The following ANO10 variants were observed in gnomAD, a reference collection of about 807,000 sequenced individuals.
The protein encoded by ANO10 is anoctamin 10, also known as anoctamin-10.
A neutral mutation model predicts 74.7 loss-of-function variants in ANO10; 77 were observed. The ratio of observed to expected loss-of-function variants is 1.03; its 90% CI spans 0.86 to 1.25. The LOEUF (loss-of-function observed/expected upper bound fraction) is 1.25, where lower values mean the gene tolerates loss of function less well. Among genes scored for constraint, ANO10 ranks in the 50% most tolerant of loss-of-function variants. ANO10 has a pLI of 0.00. For missense variants in ANO10, 721 were observed against 778.1 expected (o/e 0.93, Z 0.87); for synonymous variants, 279 against 284.9 (o/e 0.98, Z 0.21).
intron 11 of ANO10, among the ~76,000 whole-genome samples, chr3:43,444,254 A>G (rs1157028554): frequency 6.6e-6 from 1 of 152,180 alleles, no homozygotes. Flanking sequence ...ACCAAAGAAC[A>G]CATCTTATAC....
At chr3:43,434,135 A>G (rs1345542260) in intron 11 of ANO10, among the ~76,000 whole-genome samples, 4 of 152,230 alleles carry the variant, frequency 2.6e-5, no homozygotes, top group Non-Finnish European at 5.9e-5. Flanking sequence ...CTTGAAAACC[A>G]GCAGAACCCC....
At chr3:43,520,601 A>T (rs551098649) in intron 11 of ANO10, among the ~76,000 whole-genome samples, 1 of 152,284 alleles carries the variant, frequency 6.6e-6, no homozygotes, top group South Asian at 2.1e-4. Context: ...TGGCCTCTCA[A>T]TTTGAGTACA....
chr3:43,600,205 CT>C (rs2082274966), intron 3 of ANO10, among the ~76,000 whole-genome samples, 178 bp downstream of exon 3: 1 of 152,176 alleles, frequency 6.6e-6, no homozygotes, highest in Admixed American at 6.5e-5. Context: ...TCTATGGCTG[CT>C]TTTTTGCTTC....
In ANO10 at chr3:43,615,629, T is replaced by C. The variant is rs529227208; in HGVS notation, c.-12+6280A>G. ...ACTTCAGTTAAAGCCAAATTTCATATATATATGTGTATATATTTTTTGTTT... is the reference window on the plus strand; with the variant it reads ...ACTTCAGTTAAAGCCAAATTTCATACATATATGTGTATATATTTTTTGTTT... On this transcript the variant is annotated intron_variant, in intron 1 of 12. Coordinates refer to ENST00000292246, the MANE Select transcript of ANO10 (RefSeq NM_018075.5). 1.0e-3 allele frequency among the ~76,000 whole-genome samples: 155 copies of C among 152,150 alleles called. 1 individual carries two copies. Among genetic ancestry groups the C allele is most frequent in the African/African-American group, 3.7e-3 (152 of 41,526 alleles).
intron 10 of ANO10, among the ~76,000 whole-genome samples, chr3:43,552,644 T>C (rs2079521278): frequency 6.7e-6 from 1 of 150,258 alleles, no homozygotes; most frequent in Admixed American, 6.6e-5. Context: ...TTAGTTCGCC[T>C]GCATCTGAAA....
At chr3:43,689,142 C>A (rs1178638836) in intron 1 of ANO10, among the ~76,000 whole-genome samples, 1 of 152,090 alleles carries the variant, frequency 6.6e-6, no homozygotes, top group Non-Finnish European at 1.5e-5. Context: ...GAAATTCACC[C>A]CCAGAATCTA....
intron 11 of ANO10, among the ~76,000 whole-genome samples, chr3:43,477,559 G>A (rs866135204): frequency 1.5e-4 from 23 of 152,306 alleles, no homozygotes; most frequent in Middle Eastern, 6.8e-3. Context: ...AAATCAAACG[G>A]AACAATCTGA....
At chr3:43,676,639 T>C (rs1013361268) in intron 1 of ANO10, among the ~76,000 whole-genome samples, 1 of 152,160 alleles carries the variant, frequency 6.6e-6, no homozygotes, top group Non-Finnish European at 1.5e-5. Context: ...TCCACATATG[T>C]ATTGTTTCAG....
intron 11 of ANO10, among the ~76,000 whole-genome samples, chr3:43,492,984 A>G (rs1035827268): frequency 3.3e-5 from 5 of 152,242 alleles, no homozygotes; most frequent in Non-Finnish European, 5.9e-5. Context: ...AGACACATGC[A>G]CATGTATGTT....
At position 43,485,170 on chromosome 3, in the gene ANO10, G is replaced by A. The variant is rs149870507; in HGVS notation, c.1798-52443C>T. On this transcript the variant is annotated intron_variant, in intron 11 of 12. Coordinates refer to ENST00000292246, the MANE Select transcript of ANO10 (RefSeq NM_018075.5). ...GAGTGGGCCCTGGCGCGGTAGCACT[G>A]GGTGACAGCGCCTGCGGTGGTCAGG... 5.5e-6 allele frequency: 4 copies of A among 725,610 alleles called. No individual in the cohort carries two copies. In the African/African-American group the frequency reaches 6.9e-5, roughly 13 times the overall value. The allele number at this position is 725,610 out of a possible 1,614,324, so 44.9% of individuals were successfully genotyped here. A position where few individuals can be genotyped will look rare whatever the true frequency, so the allele number is the denominator to read the frequency against.
At chr3:43,665,724 TG>T (rs2083983094) in intron 1 of ANO10, among the ~76,000 whole-genome samples, 1 of 152,206 alleles carries the variant, frequency 6.6e-6, no homozygotes, top group South Asian at 2.1e-4. Context: ...CAGGATTCAC[TG>T]GTTGGTCGTA....
rs965954687 is a variant in ANO10 at position 43,387,917 on chromosome 3, C to T, written c.1915-20943G>A. 6.6e-5 allele frequency among the ~76,000 whole-genome samples: 10 copies of T among 151,850 alleles called. No homozygotes were observed. In the East Asian group the frequency reaches 7.8e-4, roughly 12 times the overall value. On this transcript the variant is annotated intron_variant, in intron 12 of 12. Transcript: ENST00000292246. ...CTGTGGAGATCTGAGACTTGGTTTA[C>T]ATATACTAAGGCGACATGTCTGTGT...
At chr3:43,622,953 C>T (rs1207487266), upstream of ANO10, among the ~76,000 whole-genome samples, 1 of 152,220 alleles carries the variant, frequency 6.6e-6, no homozygotes, top group Non-Finnish European at 1.5e-5. Flanking sequence ...GCAACCTCCG[C>T]CTCCCGGGTT....
intron 1 of ANO10, 127 bp from the exon 2 acceptor site, chr3:43,605,990 A>G (rs1419940517): frequency 3.0e-6 from 3 of 1,008,224 alleles, no homozygotes; most frequent in Non-Finnish European, 2.9e-6. Context: ...ATTTCTCGTG[A>G]TTCAGATGGG....
chr3:43,545,918 T>C (rs1224363235), intron 11 of ANO10, among the ~76,000 whole-genome samples: 1 of 152,218 alleles, frequency 6.6e-6, no homozygotes, highest in African/African-American at 2.4e-5. Flanking sequence ...AATTTGTATT[T>C]TCTATTCTAT....
chr3:43,421,330 G>A (rs1203244560), intron 12 of ANO10, among the ~76,000 whole-genome samples: 2 of 152,110 alleles, frequency 1.3e-5, no homozygotes, highest in African/African-American at 2.4e-5. Context: ...AGACCAGCCT[G>A]GGGAACATGG....
chr3:43,523,382 G>T (rs779634213), intron 11 of ANO10, among the ~76,000 whole-genome samples: 1 of 152,172 alleles, frequency 6.6e-6, no homozygotes, highest in Non-Finnish European at 1.5e-5. Context: ...GGCAGTAAAG[G>T]CTTTTAAGGA....
intron 11 of ANO10, among the ~76,000 whole-genome samples, chr3:43,502,921 G>C (rs1219739246): frequency 6.6e-6 from 1 of 152,196 alleles, no homozygotes; most frequent in Non-Finnish European, 1.5e-5. Flanking sequence ...GTTTCCAGGA[G>C]CTAGGTGGAG....
intron 12 of ANO10, among the ~76,000 whole-genome samples, chr3:43,380,183 T>C (rs2091920951): frequency 2.0e-5 from 3 of 152,022 alleles, no homozygotes; most frequent in Admixed American, 6.5e-5. Flanking sequence ...AGTTTGGGAT[T>C]ATGTTAAACA....
Sources: gnomAD v4.1 joint callset for allele counts (sites outside exome capture counted in the v4.1 genomes callset) on GRCh38, gnomAD v4.1.1 for gene constraint, MANE v1.5 for transcripts, NCBI Gene and HGNC (gene_info 2026-07-23, HGNC 2026-07-21) for gene names.